Variants in SGCA observed in about 807,000 individuals in gnomAD.
SGCA encodes the protein alpha-sarcoglycan.
In SGCA, 34 loss-of-function variants were observed where a neutral mutation model predicts 38.1. The observed-to-expected ratio is 0.89, with a 90% CI of 0.68 to 1.19. The LOEUF is 1.19. SGCA is among the 50% of genes most tolerant of loss of function. SGCA has a pLI of 0.00. For missense variants in SGCA, 476 were observed against 524.9 expected, an observed-to-expected ratio of 0.91 and a Z score of 0.91; for synonymous variants, 209 against 214.6, an observed-to-expected ratio of 0.97 and a Z score of 0.23.
In SGCA at chr17:50,175,451, T is replaced by C. The variant is rs1297436069; in HGVS notation, c.*12+2T>C. On this transcript the variant is annotated splice_donor_variant, in intron 9 of 9. Transcript: ENST00000262018. LOFTEE classifies it low-confidence loss of function (3UTR_SPLICE). ...GACCAGCACTGACAGCCTAGCCAGG[T>C]AGGTCTGGTGGGTGATGCCAGCCTT... 13 of 1,611,256 alleles carry C rather than the reference T, an allele frequency of 8.1e-6. No individual in the cohort carries two copies. The highest frequency in any genetic ancestry group is 1.3e-5 in the African/African-American group (1 of 74,904).
At chr17:50,170,424 G>GTGGGA (rs1397792938) in intron 7 of SGCA, 73 bp downstream of exon 7, 8 of 1,479,876 alleles carry the variant, frequency 5.4e-6, no homozygotes, top group Admixed American at 3.4e-5. Flanking sequence ...TGGCACTTGT[G>GTGGGA]CTGTATGGGA....
At chr17:50,171,844 C>T in intron 8 of SGCA, 1 of 456,764 alleles carries the variant, frequency 2.2e-6, no homozygotes, top group South Asian at 1.5e-5. Context: ...ACTTGCAGGT[C>T]CCCTTGTCCG....
In SGCA at chr17:50,169,119, A is replaced by G; in HGVS notation, c.612A>G (p.Ser204=). ...EGVYIKVGSA[S]PFSTCLKMVA... ...TATACATTAAGGTGGGTTCTGCCTC[A>G]CCTTTTTCTACTTGCCTGAAGATGG... Residue 204 remains serine (S), a synonymous_variant, in exon 6 of 10, where the codon TCA becomes TCG. Transcript: ENST00000262018. 1 of 1,613,706 alleles carries G rather than the reference A, an allele frequency of 6.2e-7. No homozygotes were observed. The highest frequency in any genetic ancestry group is 1.1e-5 in the South Asian group (1 of 91,072).
At chr17:50,171,274 T>C (rs1237425299) in intron 8 of SGCA, among the ~76,000 whole-genome samples, 2 of 152,236 alleles carry the variant, frequency 1.3e-5, no homozygotes, top group East Asian at 1.9e-4. Flanking sequence ...GACTAGCTGG[T>C]GTCTATGAGT....
At chr17:50,170,069 G>C in intron 6 of SGCA, 74 bp from the exon 7 acceptor site, 8 of 1,291,490 alleles carry the variant, frequency 6.2e-6, no homozygotes, top group Non-Finnish European at 7.8e-6. Context: ...CCTAGTCCTG[G>C]CCCCTGCCAT....
In SGCA at chr17:50,173,587, G is replaced by A. The variant is rs567389875; in HGVS notation, c.984-1670G>A. On this transcript the variant is annotated intron_variant, in intron 8 of 9. Transcript: ENST00000262018. ...GCCAGAGTAATGAGGTCCAGATGTG[G>A]GGCTGGGAATAAGGAGGGGGCCCAC... Among the ~76,000 whole-genome samples the A allele has an allele frequency of 1.4e-4, 21 of 152,308 alleles. 1 individual carries two copies. Among genetic ancestry groups the A allele is most frequent in the Admixed American group, 9.8e-4 (15 of 15,300 alleles).
At chr17:50,173,988 C>T (rs1255393236) in intron 8 of SGCA, among the ~76,000 whole-genome samples, 3 of 152,098 alleles carry the variant, frequency 2.0e-5, no homozygotes, top group Non-Finnish European at 2.9e-5. Context: ...CAAGTGGGGT[C>T]GCTTCAGCCC....
chr17:50,172,118 T>G (rs1418914385), intron 8 of SGCA: 1 of 456,300 alleles, frequency 2.2e-6, no homozygotes, highest in South Asian at 1.5e-5. Flanking sequence ...ATGGCTGAGG[T>G]GTGTCCCGGT....
intron 6 of SGCA, chr17:50,169,488 C>T: frequency 1.8e-6 from 1 of 556,808 alleles, no homozygotes; most frequent in Non-Finnish European, 3.2e-6. Context: ...GCAACAGAGT[C>T]CGCAATCCGC....
chr17:50,175,272 C>G lies in SGCA; in HGVS notation c.999C>G (p.His333Gln), dbSNP rs1330191790. 3 of 1,605,810 alleles carry G rather than the reference C, an allele frequency of 1.9e-6. No individual in the cohort carries two copies. Among genetic ancestry groups the G allele is most frequent in the Admixed American group, 3.4e-5 (2 of 59,066 alleles). The change falls in exon 9 of 10, where the codon CAC becomes CAG. Residue 333 changes from histidine to glutamine, a missense_variant. Transcript: ENST00000262018. ...GTGCCTCCAGCATCCAGATGGTCCACCACTGCACCATCCACGGGAACACAG... is the reference window on the plus strand; with the variant it reads ...GTGCCTCCAGCATCCAGATGGTCCAGCACTGCACCATCCACGGGAACACAG... ...DLATSDIQMV[H>Q]HCTIHGNTEE...
chr17:50,167,861 T>G lies in SGCA; in HGVS notation c.313-86T>G. The G allele has an allele frequency of 6.6e-7, 1 of 1,526,296 alleles. No individual in the cohort carries two copies. The highest frequency in any genetic ancestry group is 2.3e-5 in the East Asian group (1 of 44,444). 94.5% of individuals were successfully genotyped at this position (1,526,296 alleles called of 1,614,324 possible). The stretch of plus-strand genomic sequence containing the variant: ...ACATATAATTTACATACCTCTAATT[T>G]GGTATCTGAGTCCTCTCCTGCCAGG... On this transcript the variant is annotated intron_variant, in intron 3 of 9. Coordinates refer to ENST00000262018, the MANE Select transcript of SGCA (RefSeq NM_000023.4). The surrounding 1 kb of genome is among the most constrained non-coding windows in gnomAD (Gnocchi z 4.5).
intron 8 of SGCA, among the ~76,000 whole-genome samples, chr17:50,171,174 A>G (rs1270898604): frequency 1.3e-5 from 2 of 152,214 alleles, no homozygotes; most frequent in Non-Finnish European, 2.9e-5. Context: ...TGAGTCAGAC[A>G]CCTGCGGTCC....
chr17:50,169,845 G>A (rs186835316), intron 6 of SGCA: 12 of 515,464 alleles, frequency 2.3e-5, no homozygotes, highest in African/African-American at 1.7e-4. Flanking sequence ...TATGTGCTTG[G>A]CACTGTCCCA....
chr17:50,169,389 A>G (rs1318300876), intron 6 of SGCA, 135 bp downstream of exon 6: 1 of 647,480 alleles, frequency 1.5e-6, no homozygotes, highest in South Asian at 1.8e-5. Context: ...TGCTCTCAGT[A>G]TTGCCCACAG....
chr17:50,170,456 G>T, intron 7 of SGCA, 105 bp downstream of exon 7: 1 of 1,378,528 alleles, frequency 7.3e-7, no homozygotes, highest in Non-Finnish European at 1.0e-6. Context: ...TGGGAATGGG[G>T]TTCTCAGGCA....
rs1038145633 is a variant in SGCA at position 50,167,213 on chromosome 17, C to A, written c.38-155C>A. On this transcript the variant is annotated intron_variant, in intron 1 of 9. Coordinates refer to ENST00000262018, the MANE Select transcript of SGCA (RefSeq NM_000023.4). This position sits in a 1 kb window ranked among gnomAD's most constrained non-coding sequence, Gnocchi z 4.5. ...AATGTCTAGCCCAGCAGGGCTTGCT[C>A]CCCCATCCCCACCCCAATCCCTTCC... Among the ~76,000 whole-genome samples the A allele has an allele frequency of 6.6e-6, 1 of 152,124 alleles. No homozygotes were observed. Among genetic ancestry groups the A allele is most frequent in the Admixed American group, 6.5e-5 (1 of 15,274 alleles).
At chr17:50,170,612 G>A (rs761253100) in intron 7 of SGCA, 28 bp from the exon 8 acceptor site, 4 of 1,557,216 alleles carry the variant, frequency 2.6e-6, no homozygotes, top group Non-Finnish European at 3.5e-6. Context: ...CCAGAGCTGG[G>A]CTAACCCTCT....
At chr17:50,171,643 C>T (rs1344897692) in intron 8 of SGCA, 1 of 456,902 alleles carries the variant, frequency 2.2e-6, no homozygotes, top group East Asian at 6.9e-5. Context: ...CTGTCGTTGC[C>T]TCTTGACCTT....
rs1905905798 is a variant in SGCA, at chr17:50,175,855, T to C, written c.*156T>C. The C allele has an allele frequency of 2.1e-6, 1 of 469,440 alleles. No homozygotes were observed. Among genetic ancestry groups the C allele is most frequent in the Non-Finnish European group, 4.2e-6 (1 of 236,614 alleles). The allele number at this position is 469,440 out of a possible 1,614,324, so 29.1% of individuals were successfully genotyped here. A position where few individuals can be genotyped will look rare whatever the true frequency, so the allele number is the denominator to read the frequency against. On this transcript the variant is annotated 3_prime_UTR_variant, in exon 10 of 10. Coordinates refer to ENST00000262018, the MANE Select transcript of SGCA (RefSeq NM_000023.4). ...GAGAGGGGGTGGGGTGGGGTGAGAG[T>C]GTGTGGAGTAAGGACATTCAGAATA...
Sources: gnomAD v4.1 joint callset for allele counts (sites outside exome capture counted in the v4.1 genomes callset) on GRCh38, gnomAD v4.1.1 for gene constraint, Gnocchi (gnomAD v3.1) non-coding constraint, MANE v1.5 for transcripts, NCBI Gene and HGNC (gene_info 2026-07-23, HGNC 2026-07-21) for gene names.